Variants in CDH12 observed in about 807,000 individuals in gnomAD.
CDH12 encodes the protein cadherin-12.
CDH12 carries 41 observed loss-of-function variants against 74.1 expected under a neutral mutation model. The ratio of observed to expected loss-of-function variants is 0.55; its 90% CI spans 0.43 to 0.72. The LOEUF (loss-of-function observed/expected upper bound fraction) is 0.72, where lower values mean the gene tolerates loss of function less well. Among genes scored for constraint, CDH12 ranks in the 30% least tolerant of loss-of-function variants. The probability of loss-of-function intolerance (pLI) is 0.00; values close to 1 mark genes in which losing one functional copy is unlikely to be tolerated. For synonymous variants in CDH12, 399 were observed against 355.0 expected (o/e 1.12, Z -1.39); for missense variants, 945 against 977.2 (o/e 0.97, Z 0.44).
intron 1 of CDH12, among the ~76,000 whole-genome samples, chr5:22,802,119 A>ATTTTTTT (rs397883677): frequency 8.1e-6 from 1 of 123,560 alleles, no homozygotes; most frequent in Non-Finnish European, 1.7e-5. Flanking sequence ...TTAAATTCGT[A>ATTTTTTT]TTTTTTTTTT....
intron 3 of CDH12, among the ~76,000 whole-genome samples, chr5:22,359,565 C>T (rs950838942): frequency 6.6e-5 from 10 of 152,154 alleles, no homozygotes; most frequent in Non-Finnish European, 1.2e-4. Context: ...GAACTCGGCT[C>T]TGCACCAAGT....
At chr5:22,824,459 A>C (rs573767697) in intron 1 of CDH12, among the ~76,000 whole-genome samples, 2 of 152,136 alleles carry the variant, frequency 1.3e-5, no homozygotes, top group Non-Finnish European at 2.9e-5. Context: ...GTGTTTTTAT[A>C]AATGTAAATA....
chr5:21,929,275 T>C (rs1754729583), intron 6 of CDH12, among the ~76,000 whole-genome samples: 1 of 151,976 alleles, frequency 6.6e-6, no homozygotes, highest in South Asian at 2.1e-4. Context: ...TTTCTATTAT[T>C]ATTACATTTT....
chr5:22,256,261 C>T (rs55930106), intron 3 of CDH12, among the ~76,000 whole-genome samples: 148,428 of 152,210 alleles, frequency 0.98, 72,470 homozygotes, highest in Non-Finnish European at 1. Flanking sequence ...TAACAGTGTT[C>T]TGGTCAATGA....
intron 3 of CDH12, among the ~76,000 whole-genome samples, chr5:22,279,065 T>A (rs1361868762): frequency 6.6e-6 from 1 of 152,146 alleles, no homozygotes; most frequent in East Asian, 1.9e-4. Context: ...TATCCATAAT[T>A]ATAGATAAAT....
At chr5:22,020,734 T>C (rs1452711818) in intron 5 of CDH12, among the ~76,000 whole-genome samples, 1 of 151,714 alleles carries the variant, frequency 6.6e-6, no homozygotes, top group Non-Finnish European at 1.5e-5. Flanking sequence ...GGCCATCAAT[T>C]GTATTGAGTT....
At chr5:21,811,838 T>C (rs1747764712) in intron 9 of CDH12, among the ~76,000 whole-genome samples, 1 of 151,952 alleles carries the variant, frequency 6.6e-6, no homozygotes, top group Non-Finnish European at 1.5e-5. Flanking sequence ...TAAAGCTTCA[T>C]AATGTTCCTC....
At chr5:22,053,356 G>A (rs537350314) in intron 5 of CDH12, among the ~76,000 whole-genome samples, 1 of 152,228 alleles carries the variant, frequency 6.6e-6, no homozygotes, top group Admixed American at 6.5e-5. Flanking sequence ...GATGAATAAT[G>A]TGTGTGACAC....
At chr5:22,523,046 C>A (rs890064533) in intron 1 of CDH12, among the ~76,000 whole-genome samples, 3 of 152,190 alleles carry the variant, frequency 2.0e-5, no homozygotes, top group Non-Finnish European at 4.4e-5. Context: ...GGGTTTCCTG[C>A]AATTCTGGAG....
intron 4 of CDH12, among the ~76,000 whole-genome samples, chr5:22,173,597 C>T (rs1444892266): frequency 6.6e-6 from 1 of 151,246 alleles, no homozygotes; most frequent in African/African-American, 2.4e-5. Flanking sequence ...TCGATTTTTA[C>T]AACCTTGGTT....
intron 6 of CDH12, among the ~76,000 whole-genome samples, chr5:21,928,584 A>G (rs1329327701): frequency 1.3e-5 from 2 of 152,210 alleles, no homozygotes; most frequent in African/African-American, 4.8e-5. Context: ...ATGTATGAGG[A>G]TTAGAGTTTA....
At chr5:21,982,876 T>A (rs1314678062) in intron 5 of CDH12, among the ~76,000 whole-genome samples, 1 of 152,142 alleles carries the variant, frequency 6.6e-6, no homozygotes, top group Non-Finnish European at 1.5e-5. Flanking sequence ...ATGGATTTTT[T>A]TTCCGTAACA....
intron 1 of CDH12, among the ~76,000 whole-genome samples, chr5:22,784,902 ATAAACT>A (rs1747549883): frequency 6.6e-6 from 1 of 152,214 alleles, no homozygotes; most frequent in Non-Finnish European, 1.5e-5. Context: ...ATAAGTTTAA[ATAAACT>A]TAAAACATTT....
chr5:22,281,307 A>G (rs1736871704), intron 3 of CDH12, among the ~76,000 whole-genome samples: 1 of 152,170 alleles, frequency 6.6e-6, no homozygotes, highest in African/African-American at 2.4e-5. Flanking sequence ...CTCTTTGAAA[A>G]CCGGCACAGG....
chr5:21,831,127 G>A (rs141124673), intron 8 of CDH12, among the ~76,000 whole-genome samples: 2 of 151,958 alleles, frequency 1.3e-5, no homozygotes, highest in Admixed American at 6.6e-5. Context: ...AAACAATGTC[G>A]TTTTAGCTTT....
intron 6 of CDH12, among the ~76,000 whole-genome samples, chr5:21,949,533 T>C (rs1158148652): frequency 6.6e-6 from 1 of 151,912 alleles, no homozygotes; most frequent in Non-Finnish European, 1.5e-5. Context: ...GGCATTGTTA[T>C]GATAGGAGAT....
At chr5:22,352,498 G>T (rs1479902627) in intron 3 of CDH12, among the ~76,000 whole-genome samples, 1 of 152,108 alleles carries the variant, frequency 6.6e-6, no homozygotes, top group Non-Finnish European at 1.5e-5. Context: ...AATCTGACAG[G>T]ATTAGCCTGC....
chr5:22,767,917 T>C (rs1746604397), intron 1 of CDH12, among the ~76,000 whole-genome samples: 1 of 152,008 alleles, frequency 6.6e-6, no homozygotes, highest in African/African-American at 2.4e-5. Flanking sequence ...ATGCAGAACA[T>C]AAGCATTTAA....
intron 1 of CDH12, among the ~76,000 whole-genome samples, chr5:22,753,738 A>G (rs1745729705): frequency 6.6e-6 from 1 of 151,834 alleles, no homozygotes; most frequent in Admixed American, 6.6e-5. Flanking sequence ...ATATGTATAT[A>G]CATTTGCGGT....
Sources: gnomAD v4.1 joint callset for allele counts (sites outside exome capture counted in the v4.1 genomes callset) on GRCh38, gnomAD v4.1.1 for gene constraint, MANE v1.5 for transcripts, NCBI Gene and HGNC (gene_info 2026-07-23, HGNC 2026-07-21) for gene names.